The following LEPR variants were observed in gnomAD, a reference collection of about 807,000 sequenced individuals.
LEPR encodes OB receptor.
LEPR carries 56 observed loss-of-function variants against 114.7 expected under a neutral mutation model. The ratio of observed to expected loss-of-function variants is 0.49; its 90% CI spans 0.39 to 0.61. The LOEUF is 0.61. LEPR is among the 20% of genes least tolerant of loss of function. LEPR has a pLI of 0.00. For missense variants in LEPR, 1,202 were observed against 1,352.9 expected, an observed-to-expected ratio of 0.89 and a Z score of 1.75; for synonymous variants, 443 against 461.4, an observed-to-expected ratio of 0.96 and a Z score of 0.51.
chr1:65,511,231 A>G (rs1649014319), intron 2 of LEPR, among the ~76,000 whole-genome samples: 1 of 152,160 alleles, frequency 6.6e-6, no homozygotes, highest in Admixed American at 6.5e-5. Flanking sequence ...CCATTGTCAG[A>G]TGATTCTAGA....
At chr1:65,608,650 A>C in intron 11 of LEPR, 103 bp from the exon 12 acceptor site, 1 of 1,247,174 alleles carries the variant, frequency 8.0e-7, no homozygotes, top group Non-Finnish European at 1.1e-6. Context: ...TATGAAGAAG[A>C]TATTGCTTGA....
intron 3 of LEPR, 49 bp downstream of exon 3, chr1:65,565,654 G>A (rs745650299): frequency 1.2e-6 from 2 of 1,608,208 alleles, no homozygotes; most frequent in Middle Eastern, 1.7e-4. Flanking sequence ...ACATGGTAGA[G>A]ATTTTGCCTT....
At chr1:65,592,226 A>G (rs914857359) in intron 5 of LEPR, among the ~76,000 whole-genome samples, 3 of 148,766 alleles carry the variant, frequency 2.0e-5, no homozygotes, top group East Asian at 2.0e-4. Flanking sequence ...CTTTGTGTGA[A>G]ACCACATTTC....
chr1:65,570,862 T>C, intron 4 of LEPR, 60 bp downstream of exon 4: 8 of 1,366,430 alleles, frequency 5.9e-6, no homozygotes, highest in Non-Finnish European at 7.8e-6. Context: ...TTGATACCTG[T>C]ATGAAATAGA....
In LEPR at chr1:65,636,647, C is replaced by T. The variant is rs1004367931; in HGVS notation, c.3130C>T (p.Pro1044Ser). 6.2e-7 allele frequency: 1 copy of T among 1,610,868 alleles called. No individual in the cohort carries two copies. Among genetic ancestry groups the T allele is most frequent in the South Asian group, 1.1e-5 (1 of 90,732 alleles). The change falls in exon 20 of 20, where the codon CCC (proline) becomes TCC (serine). Residue 1044 changes from proline (P) to serine (S), a missense_variant. By Grantham distance (74) the Pro-to-Ser change is moderately conservative. Coordinates refer to ENST00000349533, the MANE Select transcript of LEPR (RefSeq NM_002303.6). ...ATTTTTTATATTATCAGATCAGCAT[C>T]CCAACATAATTTCACCACACCTCAC... The part of the protein sequence containing the change: ...QAFFILSDQH[P>S]NIISPHLTFS...
intron 19 of LEPR, among the ~76,000 whole-genome samples, chr1:65,628,138 C>G (rs1021621698): frequency 2.6e-5 from 4 of 152,064 alleles, no homozygotes; most frequent in African/African-American, 4.8e-5. Flanking sequence ...ATATGCCAGA[C>G]ATTGCTAACA....
At chr1:65,508,106 A>G (rs918578780) in intron 2 of LEPR, among the ~76,000 whole-genome samples, 1 of 152,182 alleles carries the variant, frequency 6.6e-6, no homozygotes, top group African/African-American at 2.4e-5. Context: ...TATCCAATGT[A>G]TAACTTAAAA....
chr1:65,426,494 G>C (rs1428077355), intron 2 of LEPR, among the ~76,000 whole-genome samples: 1 of 152,086 alleles, frequency 6.6e-6, no homozygotes, highest in Non-Finnish European at 1.5e-5. Context: ...AGATAGGAAA[G>C]AGCTGAGACT....
chr1:65,504,434 G>A (rs573770355), intron 2 of LEPR, among the ~76,000 whole-genome samples: 19 of 152,328 alleles, frequency 1.2e-4, no homozygotes, highest in Admixed American at 1.2e-3. Context: ...GGTAGGTCAT[G>A]TTGATAGTAT....
chr1:65,452,345 C>T (rs1646797973), intron 2 of LEPR, among the ~76,000 whole-genome samples: 2 of 149,486 alleles, frequency 1.3e-5, no homozygotes, highest in Admixed American at 6.7e-5. Context: ...GAGGGCATCC[C>T]TGTCTTGTGC....
intron 2 of LEPR, chr1:65,526,297 C>T: frequency 3.0e-6 from 3 of 985,422 alleles, no homozygotes; most frequent in Non-Finnish European, 3.6e-6. Flanking sequence ...CCACCTCCCC[C>T]CTTCCCTGCA....
intron 2 of LEPR, among the ~76,000 whole-genome samples, chr1:65,436,800 AGT>A (rs1419653891): frequency 1.3e-5 from 2 of 152,230 alleles, no homozygotes; most frequent in East Asian, 1.9e-4. Context: ...TATTAACTTA[AGT>A]GTGTGCATTC....
chr1:65,550,868 G>T (rs1751481), intron 2 of LEPR, among the ~76,000 whole-genome samples: 1 of 151,710 alleles, frequency 6.6e-6, no homozygotes, highest in Non-Finnish European at 1.5e-5. Context: ...AGATGAACCC[G>T]GTACCTCAGA....
intron 2 of LEPR, among the ~76,000 whole-genome samples, chr1:65,428,977 C>G (rs888320178): frequency 6.6e-6 from 1 of 152,024 alleles, no homozygotes; most frequent in African/African-American, 2.4e-5. Flanking sequence ...TATTTTCATG[C>G]CTTCCGTACT....
chr1:65,632,293 A>T (rs1338356070), intron 19 of LEPR, among the ~76,000 whole-genome samples: 1 of 152,094 alleles, frequency 6.6e-6, no homozygotes, highest in Non-Finnish European at 1.5e-5. Context: ...CATCTCCCCT[A>T]TGCCCAGAAA....
At chr1:65,625,887 A>C (rs1184517661) in intron 19 of LEPR, among the ~76,000 whole-genome samples, 3 of 152,198 alleles carry the variant, frequency 2.0e-5, no homozygotes, top group Non-Finnish European at 4.4e-5. Flanking sequence ...TATCTAAGTA[A>C]AATTGCCAAA....
At chr1:65,427,538 G>A (rs534778091) in intron 2 of LEPR, among the ~76,000 whole-genome samples, 6 of 152,256 alleles carry the variant, frequency 3.9e-5, no homozygotes, top group Admixed American at 2.6e-4. Context: ...CAGCCTGGGC[G>A]ACAGAGTGAG....
chr1:65,430,121 A>G, intron 2 of LEPR: 1 of 1,300,136 alleles, frequency 7.7e-7, no homozygotes, highest in Non-Finnish European at 1.0e-6. Context: ...TGGGACCTCC[A>G]TTTCATGCTC....
chr1:65,612,187 C>A (rs1369026449), intron 14 of LEPR, among the ~76,000 whole-genome samples: 7 of 152,164 alleles, frequency 4.6e-5, no homozygotes, highest in African/African-American at 1.2e-4. Flanking sequence ...TAAAAAATAT[C>A]ATTTCTCTGG....
Sources: allele counts gnomAD v4.1 joint callset (sites outside exome capture counted in the v4.1 genomes callset), GRCh38; gene constraint gnomAD v4.1.1; transcripts MANE v1.5; gene names NCBI Gene and HGNC (gene_info 2026-07-23, HGNC 2026-07-21).